The following RAD50 variants were observed in gnomAD, a reference collection of about 807,000 sequenced individuals.
The protein encoded by RAD50 is DNA repair protein RAD50.
In RAD50, 132 loss-of-function variants were observed where a neutral mutation model predicts 168.8. The ratio of observed to expected loss-of-function variants is 0.78; its 90% confidence interval spans 0.68 to 0.90. RAD50 has a LOEUF of 0.90. Ranked by LOEUF, RAD50 falls within the 40% of genes least tolerant of loss-of-function variation. The pLI is 0.00. For missense variants in RAD50, 1,347 were observed against 1,534.4 expected, an observed-to-expected ratio of 0.88 and a Z score of 2.04; for synonymous variants, 525 against 497.4, an observed-to-expected ratio of 1.06 and a Z score of -0.74.
chr5:132,588,173 T>G (rs1352562906), intron 7 of RAD50, 84 bp downstream of exon 7: 3 of 1,471,662 alleles, frequency 2.0e-6, no homozygotes, highest in South Asian at 1.2e-5. Context: ...CAAGGACTTA[T>G]GCTGAGTGAA....
chr5:132,562,904 T>C (rs1750145785), intron 2 of RAD50, among the ~76,000 whole-genome samples: 1 of 151,812 alleles, frequency 6.6e-6, no homozygotes, highest in Admixed American at 6.6e-5. Context: ...ACTGAGAGAG[T>C]GGTGTCTTGG....
At chr5:132,642,110 G>T in intron 24 of RAD50, 68 bp from the exon 25 acceptor site, 1 of 1,520,766 alleles carries the variant, frequency 6.6e-7, no homozygotes, top group African/African-American at 1.4e-5. Context: ...AAGGTTTGCG[G>T]TGACTTTTCA....
chr5:132,562,222 A>T (rs1750135785), intron 2 of RAD50, among the ~76,000 whole-genome samples: 1 of 152,186 alleles, frequency 6.6e-6, no homozygotes, highest in Admixed American at 6.5e-5. Flanking sequence ...TTTAAATAGG[A>T]ATCTGTCTAT....
At chr5:132,559,442 T>C (rs1750082712) in intron 2 of RAD50, 75 bp downstream of exon 2, 1 of 1,442,026 alleles carries the variant, frequency 6.9e-7, no homozygotes, top group Admixed American at 1.9e-5. Flanking sequence ...AACTTGGCAC[T>C]GGAAAACTAT....
chr5:132,609,991 A>G (rs766664487), intron 19 of RAD50, among the ~76,000 whole-genome samples: 1 of 151,390 alleles, frequency 6.6e-6, no homozygotes, highest in Non-Finnish European at 1.5e-5. Flanking sequence ...TTTTATTCAT[A>G]TACCAGCAGA....
rs543206281 is a variant in RAD50 at position 132,605,886 on chromosome 5, A to T, written c.2718+887A>T. Among the ~76,000 whole-genome samples, 54 of 152,334 alleles carry T rather than the reference A, an allele frequency of 3.5e-4. 2 individuals carry two copies. The South Asian group carries it at 0.011, about 31-fold the overall frequency. On this transcript the variant is annotated intron_variant, in intron 16 of 24. Coordinates refer to ENST00000378823, the MANE Select transcript of RAD50 (RefSeq NM_005732.4). Reference sequence around the variant, plus strand: ...ACCTGCTCCCGAATGACTACCGGTTAAATAACGAAATGAAGGCAGAAATAA... The same window carrying T: ...ACCTGCTCCCGAATGACTACCGGTTTAATAACGAAATGAAGGCAGAAATAA...
At chr5:132,613,465 A>G (rs1034713876) in intron 19 of RAD50, among the ~76,000 whole-genome samples, 3 of 152,090 alleles carry the variant, frequency 2.0e-5, no homozygotes, top group South Asian at 2.1e-4. Context: ...CATTTTGTAG[A>G]CTATAATTGG....
chr5:132,621,304 A>G (rs1289944863), intron 21 of RAD50, among the ~76,000 whole-genome samples: 1 of 152,202 alleles, frequency 6.6e-6, no homozygotes, highest in Non-Finnish European at 1.5e-5. Context: ...ATCAAAGTTT[A>G]AAAACCATAG....
chr5:132,643,546 A>T lies in RAD50; in HGVS notation c.*1182A>T, dbSNP rs1581026202. 8.6e-6 allele frequency: 2 copies of T among 233,294 alleles called. No homozygotes were observed. The highest frequency in any genetic ancestry group is 1.2e-4 in the East Asian group (2 of 16,478). The allele number at this position is 233,294 out of a possible 1,614,324, so 14.5% of individuals were successfully genotyped here. ...CTTTTCTCAACTGGGTCCAGAAGAGAATTAAGCCCTAAGGTCCTAAGGCAT... is the reference window on the plus strand; with the variant it reads ...CTTTTCTCAACTGGGTCCAGAAGAGTATTAAGCCCTAAGGTCCTAAGGCAT... On this transcript the variant is annotated 3_prime_UTR_variant, in exon 25 of 25. Coordinates refer to ENST00000378823, the MANE Select transcript of RAD50 (RefSeq NM_005732.4).
chr5:132,608,533 C>A, intron 16 of RAD50, 82 bp from the exon 17 acceptor site: 1 of 1,256,448 alleles, frequency 8.0e-7, no homozygotes, highest in Non-Finnish European at 1.1e-6. Flanking sequence ...ATAGAAAGTG[C>A]TTTTATTAAG....
At chr5:132,626,895 G>A (rs1751380823) in intron 21 of RAD50, among the ~76,000 whole-genome samples, 2 of 151,754 alleles carry the variant, frequency 1.3e-5, no homozygotes, top group Admixed American at 6.6e-5. Context: ...TTCTGGAGAC[G>A]GAGTCTCACT....
At chr5:132,594,614 C>T (rs1227342851) in intron 11 of RAD50, among the ~76,000 whole-genome samples, 3 of 152,128 alleles carry the variant, frequency 2.0e-5, no homozygotes, top group African/African-American at 7.2e-5. Flanking sequence ...CCATGAACCC[C>T]CAGAAACCAG....
In RAD50 at chr5:132,581,032, G is replaced by T. The variant is rs1454218058; in HGVS notation, c.756+966G>T. ...GCTTCTGGGAGGAGGTAGGGCTGAG[G>T]TGGGCCTTGAAGAATGGGAAGAAAT... On this transcript the variant is annotated intron_variant, in intron 5 of 24. Coordinates refer to ENST00000378823, the MANE Select transcript of RAD50 (RefSeq NM_005732.4). Among the ~76,000 whole-genome samples the T allele has an allele frequency of 2.6e-5, 4 of 152,254 alleles. No individual in the cohort carries two copies. The East Asian group carries it at 7.7e-4, about 29-fold the overall frequency.
chr5:132,605,277 A>AG (rs1404756512), intron 16 of RAD50, among the ~76,000 whole-genome samples: 1 of 151,888 alleles, frequency 6.6e-6, no homozygotes, highest in African/African-American at 2.4e-5. Flanking sequence ...TCCTGAACTA[A>AG]GGTGATCCGC....
At chr5:132,558,247 C>G (rs1750046964) in intron 1 of RAD50, among the ~76,000 whole-genome samples, 1 of 152,180 alleles carries the variant, frequency 6.6e-6, no homozygotes, top group African/African-American at 2.4e-5. Flanking sequence ...TTGTTATGTA[C>G]TTAGGATTGT....
chr5:132,592,162 G>A, intron 11 of RAD50, 128 bp downstream of exon 11: 7 of 975,114 alleles, frequency 7.2e-6, no homozygotes, highest in South Asian at 1.5e-5. Flanking sequence ...TTACATACAA[G>A]GAGACTTCAG....
At chr5:132,575,511 T>G (rs561929767) in intron 2 of RAD50, among the ~76,000 whole-genome samples, 5 of 152,360 alleles carry the variant, frequency 3.3e-5, no homozygotes, top group African/African-American at 1.2e-4. Context: ...TTTTGATGCT[T>G]ACAGAGATAA....
intron 16 of RAD50, among the ~76,000 whole-genome samples, chr5:132,607,034 G>A (rs537450626): frequency 3.9e-5 from 6 of 152,292 alleles, no homozygotes; most frequent in South Asian, 2.1e-4. Context: ...GCAAAAACTG[G>A]AAGCATTCCC....
chr5:132,563,049 G>C (rs959422834), intron 2 of RAD50, among the ~76,000 whole-genome samples: 1 of 152,210 alleles, frequency 6.6e-6, no homozygotes, highest in African/African-American at 2.4e-5. Context: ...CCAGTAATCA[G>C]AGAAAAGATA....
Sources: gnomAD v4.1 joint callset for allele counts (sites outside exome capture counted in the v4.1 genomes callset) on GRCh38, gnomAD v4.1.1 for gene constraint, MANE v1.5 for transcripts, NCBI Gene and HGNC (gene_info 2026-07-23, HGNC 2026-07-21) for gene names.